Variants in PABPC4 observed in about 807,000 individuals in gnomAD.
PABPC4 encodes polyadenylate-binding protein 4.
PABPC4 carries 15 observed loss-of-function variants against 74.5 expected under a neutral mutation model. That is an observed-to-expected ratio of 0.20 (90% CI 0.13 to 0.31). PABPC4 has a LOEUF of 0.31. Among genes scored for constraint, PABPC4 ranks in the 10% least tolerant of loss-of-function variants. The pLI is 1.00. For synonymous variants in PABPC4, 345 were observed against 303.0 expected (o/e 1.14, Z -1.44); for missense variants, 610 against 853.5 (o/e 0.71, Z 3.55).
chr1:39,565,827 CCAAAACAAAACAAAACAAAA>C (rs60293495), intron 7 of PABPC4, among the ~76,000 whole-genome samples: 2 of 148,178 alleles, frequency 1.3e-5, no homozygotes, highest in East Asian at 2.0e-4. Flanking sequence ...GACTCCATCT[CCAAAACAAAACAAAACAAAA>C]CAAAACAAAA....
At position 39,568,953 on chromosome 1, in the gene PABPC4, A is replaced by G. The variant is rs1645893951; in HGVS notation, c.739-14T>C. 1.2e-6 allele frequency: 2 copies of G among 1,601,690 alleles called. No homozygotes were observed. The highest frequency in any genetic ancestry group is 1.7e-6 in the Non-Finnish European group (2 of 1,175,872). ...CTCTTCCACAGCCTAGAGAGGAAAAATATGTCTTTAAAATAAAGTTGCAGC... is the reference window on the plus strand; with the variant it reads ...CTCTTCCACAGCCTAGAGAGGAAAAGTATGTCTTTAAAATAAAGTTGCAGC... On this transcript the variant is annotated splice_polypyrimidine_tract_variant and intron_variant, in intron 5 of 15. Transcript: ENST00000372858.
In PABPC4 at chr1:39,564,459, C is replaced by G; in HGVS notation, c.1417G>C (p.Ala473Pro). 5.6e-6 allele frequency: 9 copies of G among 1,614,188 alleles called. No homozygotes were observed. Among genetic ancestry groups the G allele is most frequent in the Non-Finnish European group, 7.6e-6 (9 of 1,180,044 alleles). Residue 473 changes from alanine to proline, a missense_variant, in exon 10 of 16, where the codon GCC becomes CCC. Transcript: ENST00000372858. Reference sequence around the variant, plus strand: ...GTGGTAGTAGGGAGGCCACGAGAGGCCGGAGCATTACCAGTTGGAGCCAGA... The same window carrying G: ...GTGGTAGTAGGGAGGCCACGAGAGGGCGGAGCATTACCAGTTGGAGCCAGA... ...RHLAPTGNAPASRGLPTTTQR... is the reference protein window; with the variant it reads ...RHLAPTGNAPPSRGLPTTTQR...
In PABPC4 at chr1:39,563,750, A is replaced by C. The variant is rs766089825; in HGVS notation, c.1541-9T>G. 79 of 1,613,864 alleles carry C rather than the reference A, an allele frequency of 4.9e-5. No homozygotes were observed. Among genetic ancestry groups the C allele is most frequent in the Non-Finnish European group, 6.5e-5 (77 of 1,179,868 alleles). ...CACAGCTGTGGGAACGCCTTAGGGA[A>C]AGAACAAATACAATTAAAGCCCATC... On this transcript the variant is annotated splice_polypyrimidine_tract_variant and intron_variant, in intron 11 of 15. Coordinates refer to ENST00000372858, the MANE Select transcript of PABPC4 (RefSeq NM_001135653.2).
chr1:39,566,436 T>C (rs1645844330), intron 7 of PABPC4, among the ~76,000 whole-genome samples: 1 of 152,192 alleles, frequency 6.6e-6, no homozygotes, highest in Admixed American at 6.5e-5. Context: ...TTCCAAGAAA[T>C]ACTCCAAACA....
intron 9 of PABPC4, 72 bp from the exon 10 acceptor site, chr1:39,564,614 G>C (rs557031534): frequency 6.2e-7 from 1 of 1,610,610 alleles, no homozygotes; most frequent in African/African-American, 1.3e-5. Flanking sequence ...CTCAGAGTGG[G>C]GAAGAAGGAA....
intron 12 of PABPC4, chr1:39,563,194 C>T (rs1468350124): frequency 5.6e-6 from 1 of 179,914 alleles, no homozygotes; most frequent in African/African-American, 2.4e-5. Context: ...AACCCCTTCA[C>T]CTCCTACACA....
rs1646031336 is a variant in PABPC4, at chr1:39,576,705, A to C, written c.-754T>G. 2.7e-5 allele frequency: 4 copies of C among 148,690 alleles called. No homozygotes were observed. The highest frequency in any genetic ancestry group is 6.0e-5 in the Non-Finnish European group (4 of 67,038). The allele number at this position is 148,690 out of a possible 1,614,324, so 9.2% of individuals were successfully genotyped here. On this transcript the variant is annotated 5_prime_UTR_variant, in exon 1 of 16. Coordinates refer to ENST00000372858, the MANE Select transcript of PABPC4 (RefSeq NM_001135653.2). ...TTTTTCAGGATTTTGAAGCGTTTTC[A>C]GATTTTTTTTATCTTTTTCTCTTTT...
At position 39,564,096 on chromosome 1, in the gene PABPC4, C is replaced by T. The variant is rs1645800629; in HGVS notation, c.1454-174G>A. 6 of 638,976 alleles carry T rather than the reference C, an allele frequency of 9.4e-6. No individual in the cohort carries two copies. The South Asian group carries it at 9.5e-5, about 10-fold the overall frequency. The allele number at this position is 638,976 out of a possible 1,614,324, so 39.6% of individuals were successfully genotyped here. On this transcript the variant is annotated intron_variant, in intron 10 of 15. Transcript: ENST00000372858. Reference sequence around the variant, plus strand: ...ACAACTCTTTCCACATCTTGGAATACAAGACATATTCTGTATACACTGTTT... The same window carrying T: ...ACAACTCTTTCCACATCTTGGAATATAAGACATATTCTGTATACACTGTTT...
rs11557733 is a variant in PABPC4 at position 39,561,714 on chromosome 1, G to A, written c.1967C>T (p.Ala656Val). The part of the protein sequence containing the change: ...KEAAQKVGAV[A>V]AATS Reference sequence around the variant, plus strand: ...TTTCCTTGTCTAAGAGGTAGCAGCAGCAACAGCGCCCACCTTCTGGGCAGC... The same window carrying A: ...TTTCCTTGTCTAAGAGGTAGCAGCAACAACAGCGCCCACCTTCTGGGCAGC... The change falls in exon 15 of 16, where the codon GCT becomes GTT. Residue 656 changes from alanine to valine, a missense_variant. By Grantham distance (64) the Ala-to-Val change is moderately conservative (BLOSUM62 0). Transcript: ENST00000372858. 6.2e-7 allele frequency: 1 copy of A among 1,613,206 alleles called. No homozygotes were observed. The highest frequency in any genetic ancestry group is 2.2e-5 in the East Asian group (1 of 44,882).
In PABPC4 at chr1:39,572,789, T is replaced by C. The variant is rs546875218; in HGVS notation, c.194-203A>G. The C allele has an allele frequency of 1.4e-5, 7 of 498,874 alleles. No individual in the cohort carries two copies. The South Asian group carries it at 2.1e-4, about 15-fold the overall frequency. The allele number at this position is 498,874 out of a possible 1,614,324, so 30.9% of individuals were successfully genotyped here. A position where few individuals can be genotyped will look rare whatever the true frequency, so the allele number is the denominator to read the frequency against. On this transcript the variant is annotated intron_variant, in intron 1 of 15. Coordinates refer to ENST00000372858, the MANE Select transcript of PABPC4 (RefSeq NM_001135653.2). ...AGTTCCAGCTAATGACTCTACTTCATGACAGAAGTCTAAACACCCTTCTGG... is the reference window on the plus strand; with the variant it reads ...AGTTCCAGCTAATGACTCTACTTCACGACAGAAGTCTAAACACCCTTCTGG...
Position 39,565,264 on chromosome 1 carries a change from G to A in PABPC4, c.1087C>T (p.Leu363=). 1.2e-6 allele frequency: 2 copies of A among 1,614,224 alleles called. No individual in the cohort carries two copies. The highest frequency in any genetic ancestry group is 2.2e-5 in the South Asian group (2 of 91,084). ...MNGRIVGSKP[L]YVALAQRKEE... ...TTCCTCTGGGCCAGGGCAACATATA[G>A]TGGCTTGGAGCCCACAATGCGTCCA... Residue 363 remains leucine (L), a synonymous_variant, in exon 8 of 16, where the codon CTA becomes TTA. Coordinates refer to ENST00000372858, the MANE Select transcript of PABPC4 (RefSeq NM_001135653.2).
chr1:39,564,834 T>C (rs1200415710), intron 8 of PABPC4, 61 bp from the exon 9 acceptor site: 2 of 1,247,080 alleles, frequency 1.6e-6, no homozygotes, highest in Non-Finnish European at 2.3e-6. Flanking sequence ...TAGAGAAGTA[T>C]CTCATCTCAT....
At chr1:39,565,513 G>A (rs1570377815) in intron 7 of PABPC4, 135 bp from the exon 8 acceptor site, 1 of 827,598 alleles carries the variant, frequency 1.2e-6, no homozygotes, top group African/African-American at 1.7e-5. Context: ...ACCAGCTTGA[G>A]CAATGTAGTG....
Position 39,569,939 on chromosome 1 carries a change from T to C in PABPC4, c.567A>G (p.Glu189=). ...REAELGAKAK[E]FTNVYIKNFG... Reference sequence around the variant, plus strand: ...AGTTTTTGATATAAACATTGGTGAATTCCTTGGCTTTGGCTCCAAGCTCAG... The same window carrying C: ...AGTTTTTGATATAAACATTGGTGAACTCCTTGGCTTTGGCTCCAAGCTCAG... Residue 189 remains glutamate (E), a synonymous_variant, in exon 4 of 16, where the codon GAA becomes GAG. Coordinates refer to ENST00000372858, the MANE Select transcript of PABPC4 (RefSeq NM_001135653.2). 1 of 1,614,056 alleles carries C rather than the reference T, an allele frequency of 6.2e-7. No homozygotes were observed. The highest frequency in any genetic ancestry group is 2.2e-5 in the East Asian group (1 of 44,892).
At chr1:39,565,848 C>A (rs1461644390) in intron 7 of PABPC4, among the ~76,000 whole-genome samples, 5 of 151,364 alleles carry the variant, frequency 3.3e-5, no homozygotes, top group African/African-American at 1.2e-4. Context: ...CAAAACAAAA[C>A]AAAACAAAAC....
In PABPC4 at chr1:39,561,051, G is replaced by C. The variant is rs566539186; in HGVS notation, c.*85C>G. On this transcript the variant is annotated 3_prime_UTR_variant, in exon 16 of 16. Coordinates refer to ENST00000372858, the MANE Select transcript of PABPC4 (RefSeq NM_001135653.2). ...GCAATTTGTAATCCTTGGTGTTGAG[G>C]TCCATAGGACAAGCTAGGAAGTCTT... is the stretch of plus-strand genomic sequence containing the variant. 10 of 455,994 alleles carry C rather than the reference G, an allele frequency of 2.2e-5. No homozygotes were observed. The highest frequency in any genetic ancestry group is 1.8e-4 in the African/African-American group (9 of 49,478). The allele number at this position is 455,994 out of a possible 1,614,324, so 28.2% of individuals were successfully genotyped here. A position where few individuals can be genotyped will look rare whatever the true frequency, so the allele number is the denominator to read the frequency against.
rs888584868 is a variant in PABPC4 at position 39,569,930 on chromosome 1, A to G, written c.576T>C (p.Asn192=). The change falls in exon 4 of 16, where the codon AAT becomes AAC. Residue 192 remains asparagine, a synonymous_variant. Coordinates refer to ENST00000372858, the MANE Select transcript of PABPC4 (RefSeq NM_001135653.2). ...ELGAKAKEFT[N]VYIKNFGEEV... ...CTTCCCCAAAGTTTTTGATATAAACATTGGTGAATTCCTTGGCTTTGGCTC... is the reference window on the plus strand; with the variant it reads ...CTTCCCCAAAGTTTTTGATATAAACGTTGGTGAATTCCTTGGCTTTGGCTC... The G allele has an allele frequency of 1.9e-6, 3 of 1,613,858 alleles. No individual in the cohort carries two copies. In the African/African-American group the frequency reaches 4.0e-5, roughly 22 times the overall value.
intron 12 of PABPC4, chr1:39,563,211 A>G: frequency 5.1e-6 from 1 of 196,756 alleles, no homozygotes; most frequent in Admixed American, 5.6e-5. Flanking sequence ...CACACACTTT[A>G]CATCTTTGAA....
At position 39,564,512 on chromosome 1, in the gene PABPC4, T is replaced by C. The variant is rs1476630625; in HGVS notation, c.1364A>G (p.Gln455Arg). ...GCGAAGAGTTGGACGAGGCCCAGAC[T>C]GGCGTATAGCACTTGGCATTCCTTG... ...GFQGMPSAIRQSGPRPTLRHL... is the reference protein window; with the variant it reads ...GFQGMPSAIRRSGPRPTLRHL... Residue 455 changes from glutamine to arginine, a missense_variant, in exon 10 of 16, where the codon CAG becomes CGG. Physicochemically the swap from Gln to Arg is conservative, Grantham distance 43 (BLOSUM62 1). This residue lies in a region of PABPC4 where 277 missense variants were observed against 301.8 expected (regional missense o/e 0.92). Coordinates refer to ENST00000372858, the MANE Select transcript of PABPC4 (RefSeq NM_001135653.2). 18 of 1,614,108 alleles carry C rather than the reference T, an allele frequency of 1.1e-5. No homozygotes were observed. The highest frequency in any genetic ancestry group is 1.4e-5 in the Non-Finnish European group (17 of 1,180,046).
Sources: allele counts gnomAD v4.1 joint callset (sites outside exome capture counted in the v4.1 genomes callset), GRCh38; gene constraint gnomAD v4.1.1; regional missense constraint gnomAD v4.1.1; transcripts MANE v1.5; gene names NCBI Gene and HGNC (gene_info 2026-07-23, HGNC 2026-07-21).